Variants in PCBD2 observed in about 807,000 individuals in gnomAD.
The protein encoded by PCBD2 is pterin-4 alpha-carbinolamine dehydratase 2.
Under a neutral mutation model 16.4 loss-of-function variants are expected in PCBD2, and 12 were observed. The ratio of observed to expected loss-of-function variants is 0.73; its 90% CI spans 0.47 to 1.19. The LOEUF is 1.19. Among genes scored for constraint, PCBD2 ranks in the 50% most tolerant of loss-of-function variants. The pLI is 0.00. For missense variants in PCBD2, 138 were observed against 156.8 expected (o/e 0.88, Z 0.64); for synonymous variants, 58 against 61.8 (o/e 0.94, Z 0.29).
chr5:134,944,559 A>G (rs866300769), intron 2 of PCBD2, among the ~76,000 whole-genome samples: 9 of 152,116 alleles, frequency 5.9e-5, no homozygotes, highest in African/African-American at 2.2e-4. Flanking sequence ...CAACCCAAAA[A>G]CAACAACCAA....
intron 2 of PCBD2, among the ~76,000 whole-genome samples, chr5:134,944,359 T>C (rs901944162): frequency 6.6e-6 from 1 of 152,200 alleles, no homozygotes; most frequent in African/African-American, 2.4e-5. Flanking sequence ...CTTTTTCTTC[T>C]ACCAAGATTC....
chr5:134,911,244 C>T (rs549709375), intron 2 of PCBD2, among the ~76,000 whole-genome samples: 1 of 152,202 alleles, frequency 6.6e-6, no homozygotes, highest in South Asian at 2.1e-4. Flanking sequence ...CCAGGCTGCA[C>T]CCTTTTCCCT....
chr5:134,951,683 C>A (rs1751359730), intron 2 of PCBD2, among the ~76,000 whole-genome samples: 1 of 152,076 alleles, frequency 6.6e-6, no homozygotes, highest in Non-Finnish European at 1.5e-5. Context: ...ATATTTTGAT[C>A]TTTTTCAAGC....
chr5:134,918,176 G>T (rs1750855148), intron 2 of PCBD2, among the ~76,000 whole-genome samples: 2 of 152,168 alleles, frequency 1.3e-5, no homozygotes, highest in Non-Finnish European at 2.9e-5. Context: ...CTCCCAAAGA[G>T]GATGCCTGTG....
chr5:134,953,569 C>T (rs902950532), intron 2 of PCBD2, among the ~76,000 whole-genome samples: 9 of 151,914 alleles, frequency 5.9e-5, no homozygotes, highest in Admixed American at 1.3e-4. Context: ...CCGAGGCGGG[C>T]GGATCACTTG....
At chr5:134,923,984 G>T in intron 2 of PCBD2, 1 of 394,556 alleles carries the variant, frequency 2.5e-6, no homozygotes, top group South Asian at 1.3e-4. Flanking sequence ...TGGATGGGGT[G>T]GGGAGGTCGA....
At chr5:134,905,416 C>T (rs574419469) in intron 1 of PCBD2, 193 bp downstream of exon 1, 414 of 405,192 alleles carry the variant, frequency 1.0e-3, no homozygotes, top group Admixed American at 1.8e-3. Context: ...GGGGTGGCCG[C>T]AGCCTCCGCC....
chr5:134,959,141 G>A (rs973919348), intron 3 of PCBD2, 21 bp downstream of exon 3: 3 of 1,544,548 alleles, frequency 1.9e-6, no homozygotes, highest in African/African-American at 2.7e-5. Flanking sequence ...TGCCTTATTT[G>A]GGAATCACCT....
chr5:134,924,333 A>G (rs1750955726), intron 2 of PCBD2: 1 of 395,812 alleles, frequency 2.5e-6, no homozygotes, highest in South Asian at 1.3e-4. Flanking sequence ...TGGATATACT[A>G]CAGCGGTGGC....
At chr5:134,931,936 TATAATACTGGA>T (rs1751103730) in intron 2 of PCBD2, among the ~76,000 whole-genome samples, 1 of 152,226 alleles carries the variant, frequency 6.6e-6, no homozygotes, top group Non-Finnish European at 1.5e-5. Flanking sequence ...AGCATTAGTT[TATAATACTGGA>T]TTGATCAATG....
At chr5:134,918,333 C>A (rs1750858977) in intron 2 of PCBD2, among the ~76,000 whole-genome samples, 1 of 152,010 alleles carries the variant, frequency 6.6e-6, no homozygotes, top group African/African-American at 2.4e-5. Flanking sequence ...GGCGAAACCC[C>A]TTCTCTACTA....
intron 2 of PCBD2, among the ~76,000 whole-genome samples, chr5:134,934,985 C>G (rs947393899): frequency 1.3e-5 from 2 of 152,190 alleles, no homozygotes; most frequent in African/African-American, 2.4e-5. Flanking sequence ...TTAAAAATCA[C>G]TCCATTGTTA....
chr5:134,909,544 C>A (rs1750739586), intron 1 of PCBD2, among the ~76,000 whole-genome samples: 2 of 152,208 alleles, frequency 1.3e-5, no homozygotes, highest in Non-Finnish European at 2.9e-5. Flanking sequence ...CCTCTGGCCC[C>A]CTTACTGCTG....
intron 2 of PCBD2, among the ~76,000 whole-genome samples, chr5:134,939,926 G>T (rs371425224): frequency 2.0e-5 from 3 of 150,412 alleles, no homozygotes; most frequent in South Asian, 2.1e-4. Flanking sequence ...TCTGTAATAA[G>T]AAATTTTTTT....
At chr5:134,954,983 G>A (rs1170504157) in intron 2 of PCBD2, among the ~76,000 whole-genome samples, 1 of 151,670 alleles carries the variant, frequency 6.6e-6, no homozygotes, top group East Asian at 1.9e-4. Flanking sequence ...CTCAAGTGAT[G>A]CGCCTGCCTC....
intron 2 of PCBD2, chr5:134,926,935 C>T (rs940084264): frequency 1.0e-4 from 40 of 397,810 alleles, no homozygotes; most frequent in Non-Finnish European, 1.6e-4. Flanking sequence ...GGGGGTAAGG[C>T]GAGATTAGTG....
intron 1 of PCBD2, chr5:134,905,508 C>T (rs1750675414): frequency 6.2e-6 from 2 of 321,674 alleles, no homozygotes; most frequent in Non-Finnish European, 1.1e-5. Context: ...TGTTCAGCAA[C>T]TACAAAAGGC....
intron 2 of PCBD2, among the ~76,000 whole-genome samples, chr5:134,956,637 G>A (rs922759452): frequency 1.3e-5 from 2 of 152,186 alleles, no homozygotes; most frequent in Non-Finnish European, 2.9e-5. Flanking sequence ...TGTGCATCAG[G>A]ATGTTACCCC....
intron 1 of PCBD2, among the ~76,000 whole-genome samples, chr5:134,908,371 A>C (rs1357540509): frequency 6.6e-6 from 1 of 151,922 alleles, no homozygotes; most frequent in Non-Finnish European, 1.5e-5. Context: ...TGTTTAATTA[A>C]AAAGTATTCT....
Sources: allele counts gnomAD v4.1 joint callset (sites outside exome capture counted in the v4.1 genomes callset), GRCh38; gene constraint gnomAD v4.1.1; transcripts MANE v1.5; gene names NCBI Gene and HGNC (gene_info 2026-07-23, HGNC 2026-07-21).